The following ADAMTS17 variants were observed in gnomAD, a reference collection of about 807,000 sequenced individuals.
The protein encoded by ADAMTS17 is A disintegrin and metalloproteinase with thrombospondin motifs 17.
A neutral mutation model predicts 141.5 loss-of-function variants in ADAMTS17; 113 were observed. That is an observed-to-expected ratio of 0.80 (90% CI 0.69 to 0.93). ADAMTS17 has a LOEUF of 0.93. ADAMTS17 is among the 40% of genes least tolerant of loss of function. The probability of loss-of-function intolerance (pLI) is 0.00; values close to 1 mark genes in which losing one functional copy is unlikely to be tolerated. For missense variants in ADAMTS17, 1,659 were observed against 1,517.9 expected (o/e 1.09, Z -1.54); for synonymous variants, 768 against 630.6 (o/e 1.22, Z -3.27).
chr15:100,157,808 G>C (rs1306611625), intron 8 of ADAMTS17, among the ~76,000 whole-genome samples: 1 of 152,002 alleles, frequency 6.6e-6, no homozygotes, highest in African/African-American at 2.4e-5. Context: ...TCAGTGTCAG[G>C]TATCTATCCA....
rs142453429 is a variant in ADAMTS17 at position 100,041,424 on chromosome 15, G to A, written c.2591+7433C>T. Among the ~76,000 whole-genome samples, 464 of 152,344 alleles carry A rather than the reference G, an allele frequency of 3.0e-3. 4 individuals are homozygous for A. Among genetic ancestry groups the A allele is most frequent in the Admixed American group, 4.6e-3 (70 of 15,308 alleles). On this transcript the variant is annotated intron_variant, in intron 18 of 21. Transcript: ENST00000268070. The stretch of plus-strand genomic sequence containing the variant: ...TTAAATCTGGTAAAGCACAAGGTCT[G>A]TGCTCCGGGACGTGTCCACTTCATT...
chr15:100,055,833 TCAA>T (rs1442296293), intron 15 of ADAMTS17, among the ~76,000 whole-genome samples: 1 of 152,190 alleles, frequency 6.6e-6, no homozygotes, highest in African/African-American at 2.4e-5. Context: ...TTTAATCTTC[TCAA>T]CAACCCTCTG....
intron 4 of ADAMTS17, among the ~76,000 whole-genome samples, chr15:100,279,474 C>G (rs991162708): frequency 2.0e-5 from 3 of 152,242 alleles, no homozygotes; most frequent in East Asian, 1.9e-4. Flanking sequence ...TGTGTCCCCA[C>G]TGAAAACTCA....
At chr15:100,230,577 T>C (rs983571533) in intron 7 of ADAMTS17, among the ~76,000 whole-genome samples, 5 of 152,214 alleles carry the variant, frequency 3.3e-5, no homozygotes, top group African/African-American at 1.2e-4. Context: ...AAAAGTCTAA[T>C]TGTCCTGAGG....
chr15:100,148,016 T>C lies in ADAMTS17; in HGVS notation c.1473+4596A>G, dbSNP rs143094284. On this transcript the variant is annotated intron_variant, in intron 10 of 21. Transcript: ENST00000268070. ...AGCCCCTTCCTTGCATCACTCCGAC[T>C]TCATGCTTCTATTGCTACATCTCTT... Among the ~76,000 whole-genome samples, 735 of 152,342 alleles carry C rather than the reference T, an allele frequency of 4.8e-3. 3 individuals are homozygous for C. Among genetic ancestry groups the C allele is most frequent in the Non-Finnish European group, 7.4e-3 (501 of 68,030 alleles).
Position 100,083,659 on chromosome 15 carries a change from G to A in ADAMTS17, c.2137+12697C>T, listed in dbSNP as rs917136217. On this transcript the variant is annotated intron_variant, in intron 15 of 21. Coordinates refer to ENST00000268070, the MANE Select transcript of ADAMTS17 (RefSeq NM_139057.4). ...AAATAAATGTCCTGCAGGATGTTTG[G>A]AGAGACTTCACAAATGTAAACAAAG... 2.6e-5 allele frequency among the ~76,000 whole-genome samples: 4 copies of A among 151,630 alleles called. No homozygotes were observed. In the East Asian group the frequency reaches 7.8e-4, roughly 29 times the overall value.
At chr15:100,209,768 T>C (rs1000629166) in intron 7 of ADAMTS17, among the ~76,000 whole-genome samples, 2 of 152,098 alleles carry the variant, frequency 1.3e-5, no homozygotes, top group Non-Finnish European at 2.9e-5. Context: ...AGAAAGTGGA[T>C]GGTACCAAGT....
At chr15:100,021,659 C>T (rs1406449432) in intron 18 of ADAMTS17, among the ~76,000 whole-genome samples, 1 of 152,186 alleles carries the variant, frequency 6.6e-6, no homozygotes. Context: ...CTTCATAGTG[C>T]CACCCAAGGA....
At chr15:100,149,777 C>T (rs2039077688) in intron 10 of ADAMTS17, among the ~76,000 whole-genome samples, 1 of 152,200 alleles carries the variant, frequency 6.6e-6, no homozygotes, top group Admixed American at 6.5e-5. Flanking sequence ...CCATGAGTCA[C>T]ACCTCCTATC....
chr15:100,285,945 C>T (rs2044432096), intron 3 of ADAMTS17, among the ~76,000 whole-genome samples: 1 of 152,140 alleles, frequency 6.6e-6, no homozygotes, highest in Non-Finnish European at 1.5e-5. Flanking sequence ...CACCACCCAC[C>T]ATGTGCCAGC....
At chr15:100,268,132 T>C (rs569916995) in intron 4 of ADAMTS17, among the ~76,000 whole-genome samples, 2 of 84,542 alleles carry the variant, frequency 2.4e-5, no homozygotes, top group East Asian at 2.3e-3. Context: ...ACGTGAGTTG[T>C]TCTTTTTTAC....
chr15:100,039,908 ATTG>A (rs1024130215), intron 18 of ADAMTS17, among the ~76,000 whole-genome samples: 3 of 152,074 alleles, frequency 2.0e-5, no homozygotes, highest in African/African-American at 4.8e-5. Flanking sequence ...TATGTTTATA[ATTG>A]TTGTATCTTC....
rs71151931 is a variant in ADAMTS17, at chr15:100,001,994, C to CAAA, written c.2592-4408_2592-4406dup. ...TCAGTCTCAAAAAAAAGGCCAAACCCAAAAAAAAAAAAAAAAAAAAAAGAA... is the reference window on the plus strand; with the variant it reads ...TCAGTCTCAAAAAAAAGGCCAAACCCAAAAAAAAAAAAAAAAAAAAAAAAAGAA... On this transcript the variant is annotated intron_variant, in intron 18 of 21. Transcript: ENST00000268070. 7.9e-4 allele frequency among the ~76,000 whole-genome samples: 46 copies of CAAA among 58,340 alleles called. 3 individuals are homozygous for CAAA. The highest frequency in any genetic ancestry group is 1.3e-3 in the East Asian group (2 of 1,506). The allele number at this position is 58,340 out of a possible 152,430, so 38.3% of individuals were successfully genotyped here. A position where few individuals can be genotyped will look rare whatever the true frequency, so the allele number is the denominator to read the frequency against.
Position 100,119,586 on chromosome 15 carries a change from C to T in ADAMTS17, c.1722-2573G>A, listed in dbSNP as rs139324775. On this transcript the variant is annotated intron_variant, in intron 12 of 21. Coordinates refer to ENST00000268070, the MANE Select transcript of ADAMTS17 (RefSeq NM_139057.4). ...TCTCCAGTTTTACATCTGCCTAACC[C>T]GCACACAACAATTACCTTCACCTCT... Among the ~76,000 whole-genome samples, 161 of 152,296 alleles carry T rather than the reference C, an allele frequency of 1.1e-3. 1 individual carries two copies. The Middle Eastern group carries it at 0.027, about 26-fold the overall frequency.
rs775832685 is a variant in ADAMTS17, at chr15:99,995,554, C to A, written c.2796+1831G>T. On this transcript the variant is annotated intron_variant, in intron 19 of 21. Coordinates refer to ENST00000268070, the MANE Select transcript of ADAMTS17 (RefSeq NM_139057.4). ...GCAAGCTGAGGACAGGAGAAACGCA[C>A]TACCTTTTCCTTCCTTCTGGATATT... is the stretch of plus-strand genomic sequence containing the variant. 4.6e-5 allele frequency among the ~76,000 whole-genome samples: 7 copies of A among 152,224 alleles called. No homozygotes were observed. The East Asian group carries it at 1.3e-3, about 29-fold the overall frequency.
chr15:100,199,364 T>G lies in ADAMTS17; in HGVS notation c.1135A>C (p.Asn379His). Residue 379 changes from asparagine (N) to histidine (H), a missense_variant, in exon 8 of 22, where the codon AAT (asparagine) becomes CAT (histidine). By Grantham distance (68) the Asn-to-His change is moderately conservative. Coordinates refer to ENST00000268070, the MANE Select transcript of ADAMTS17 (RefSeq NM_139057.4). The part of the protein sequence containing the change: ...AKRKCVLAED[N>H]GLNLAFTIAH... ...ATGGTAAAGGCCAAATTGAGACCAT[T>G]GTCTTCGGCAAGCACACACTTCCTC... is the stretch of plus-strand genomic sequence containing the variant. 6.2e-7 allele frequency: 1 copy of G among 1,614,164 alleles called. No homozygotes were observed. Among genetic ancestry groups the G allele is most frequent in the Non-Finnish European group, 8.5e-7 (1 of 1,180,030 alleles).
chr15:100,068,573 G>T (rs1247574373), intron 15 of ADAMTS17, among the ~76,000 whole-genome samples: 1 of 152,198 alleles, frequency 6.6e-6, no homozygotes, highest in African/African-American at 2.4e-5. Context: ...GAACGATCAG[G>T]CAGCAACATC....
At chr15:100,003,690 T>C (rs927006500) in intron 18 of ADAMTS17, among the ~76,000 whole-genome samples, 1 of 152,110 alleles carries the variant, frequency 6.6e-6, no homozygotes. Context: ...GGGAATATTA[T>C]TTAGTTGTCA....
At chr15:100,067,862 G>A (rs1386095953) in intron 15 of ADAMTS17, among the ~76,000 whole-genome samples, 2 of 152,186 alleles carry the variant, frequency 1.3e-5, no homozygotes, top group African/African-American at 2.4e-5. Context: ...ATTTCCAACT[G>A]AGGTACCGGG....
Sources: gnomAD v4.1 joint callset for allele counts (sites outside exome capture counted in the v4.1 genomes callset) on GRCh38, gnomAD v4.1.1 for gene constraint, MANE v1.5 for transcripts, NCBI Gene and HGNC (gene_info 2026-07-23, HGNC 2026-07-21) for gene names.